TEK: variants seen among roughly 807,000 people sequenced by gnomAD.
TEK encodes angiopoietin-1 receptor.
A neutral mutation model predicts 131.8 loss-of-function variants in TEK; 43 were observed. The observed-to-expected ratio is 0.33, with a 90% CI of 0.26 to 0.42. The LOEUF (loss-of-function observed/expected upper bound fraction) is 0.42. Among genes scored for constraint, TEK ranks in the 10% least tolerant of loss-of-function variants. The pLI is 1.00. For missense variants in TEK, 1,162 were observed against 1,384.4 expected, an observed-to-expected ratio of 0.84 and a Z score of 2.55; for synonymous variants, 580 against 491.6, an observed-to-expected ratio of 1.18 and a Z score of -2.38.
At chr9:27,213,797 G>A (rs758845948) in intron 18 of TEK, among the ~76,000 whole-genome samples, 200 bp downstream of exon 18, 6 of 152,164 alleles carry the variant, frequency 3.9e-5, no homozygotes, top group African/African-American at 7.2e-5. Flanking sequence ...AATTAATAAT[G>A]AAGAAGGCAC....
intron 16 of TEK, among the ~76,000 whole-genome samples, chr9:27,210,021 C>G (rs138935388): frequency 3.8e-4 from 58 of 152,290 alleles, no homozygotes; most frequent in African/African-American, 1.4e-3. Context: ...TTGACAGCCT[C>G]TTGTTGACTT....
At chr9:27,209,015 T>C in intron 15 of TEK, 106 bp from the exon 16 acceptor site, 1 of 754,486 alleles carries the variant, frequency 1.3e-6, no homozygotes, top group South Asian at 1.4e-5. Flanking sequence ...TTGTATACAG[T>C]TGATGGTGAC....
chr9:27,217,264 TCTCC>T (rs1484214683), intron 18 of TEK, among the ~76,000 whole-genome samples: 2 of 152,092 alleles, frequency 1.3e-5, no homozygotes, highest in Non-Finnish European at 2.9e-5. Context: ...CTCTGGAGAA[TCTCC>T]CTCCATCATC....
At position 27,183,420 on chromosome 9, in the gene TEK, T is replaced by C. The variant is rs777699518; in HGVS notation, c.1031-39T>C. On this transcript the variant is annotated intron_variant, in intron 7 of 22. Coordinates refer to ENST00000380036, the MANE Select transcript of TEK (RefSeq NM_000459.5). ...ATTATTACTACTGCTGCTGGCTCTG[T>C]TAAATATTAGATTTCACAGTGCTGT... 9 of 1,609,632 alleles carry C rather than the reference T, an allele frequency of 5.6e-6. No individual in the cohort carries two copies. In the Admixed American group the frequency reaches 1.0e-4, roughly 18 times the overall value.
chr9:27,199,344 T>C (rs950173133), intron 12 of TEK, among the ~76,000 whole-genome samples: 1 of 152,238 alleles, frequency 6.6e-6, no homozygotes, highest in African/African-American at 2.4e-5. Flanking sequence ...CCCATTCTTA[T>C]GCATGTCTCC....
intron 1 of TEK, among the ~76,000 whole-genome samples, chr9:27,147,461 T>G (rs1412235101): frequency 3.3e-5 from 5 of 152,114 alleles, no homozygotes; most frequent in East Asian, 1.9e-4. Context: ...TGAGAGCTTT[T>G]TATGCATTCT....
At chr9:27,176,412 A>G (rs1824174702) in intron 6 of TEK, among the ~76,000 whole-genome samples, 1 of 152,184 alleles carries the variant, frequency 6.6e-6, no homozygotes, top group East Asian at 1.9e-4. Flanking sequence ...AGGCTTCATG[A>G]TATTTTAAGG....
chr9:27,126,069 G>A (rs571280859), intron 1 of TEK, among the ~76,000 whole-genome samples: 1 of 152,278 alleles, frequency 6.6e-6, no homozygotes, highest in African/African-American at 2.4e-5. Flanking sequence ...CCACGAACAC[G>A]AGGTTAGGGT....
chr9:27,175,242 GTT>G (rs1333323185), intron 6 of TEK, among the ~76,000 whole-genome samples: 40 of 149,252 alleles, frequency 2.7e-4, no homozygotes, highest in African/African-American at 9.6e-4. Flanking sequence ...ACGGTGTTTG[GTT>G]TTTTGTCCTT....
chr9:27,188,955 G>A (rs1443830872), intron 9 of TEK, among the ~76,000 whole-genome samples: 1 of 152,130 alleles, frequency 6.6e-6, no homozygotes, highest in East Asian at 1.9e-4. Flanking sequence ...ATTTTAAATA[G>A]GGTAATCAAG....
chr9:27,194,107 C>T (rs1361719895), intron 11 of TEK, among the ~76,000 whole-genome samples: 1 of 152,194 alleles, frequency 6.6e-6, no homozygotes, highest in African/African-American at 2.4e-5. Context: ...ACTCCCAGTC[C>T]AGGCTCCATA....
rs1380793724 is a variant in TEK at position 27,192,488 on chromosome 9, G to T, written c.1490-1G>T. 1 of 1,613,752 alleles carries T rather than the reference G, an allele frequency of 6.2e-7. No individual in the cohort carries two copies. Among genetic ancestry groups the T allele is most frequent in the Non-Finnish European group, 8.5e-7 (1 of 1,179,872 alleles). Reference sequence around the variant, plus strand: ...GTTTCCTGGACGTTTTCTCTTCTCAGTGACAAATGAGATTGTTACACTCAA... The same window carrying T: ...GTTTCCTGGACGTTTTCTCTTCTCATTGACAAATGAGATTGTTACACTCAA... On this transcript the variant is annotated splice_acceptor_variant, in intron 10 of 22. Transcript: ENST00000380036. LOFTEE classifies it high-confidence loss of function.
intron 7 of TEK, 86 bp downstream of exon 7, chr9:27,180,454 A>G (rs1824325007): frequency 1.3e-6 from 2 of 1,532,250 alleles, no homozygotes; most frequent in Non-Finnish European, 1.8e-6. Context: ...CCGGCATTCT[A>G]AGATCCTCAA....
intron 12 of TEK, 62 bp from the exon 13 acceptor site, chr9:27,202,758 G>C (rs1027973573): frequency 8.3e-5 from 128 of 1,542,508 alleles, no homozygotes; most frequent in Non-Finnish European, 1.0e-4. Context: ...TATCTCAAAA[G>C]CATAATGATC....
At chr9:27,225,392 A>C (rs1443245046) in intron 21 of TEK, among the ~76,000 whole-genome samples, 1 of 152,192 alleles carries the variant, frequency 6.6e-6, no homozygotes, top group Non-Finnish European at 1.5e-5. Flanking sequence ...TAAAACAGAT[A>C]TATAGACCAA....
chr9:27,150,937 G>T (rs943927674), intron 1 of TEK, among the ~76,000 whole-genome samples: 22 of 152,200 alleles, frequency 1.4e-4, no homozygotes, highest in African/African-American at 5.3e-4. Context: ...TGGCTGGAAA[G>T]CAGGGATGGG....
intron 15 of TEK, among the ~76,000 whole-genome samples, chr9:27,208,030 T>C (rs370036462): frequency 8.5e-5 from 13 of 152,212 alleles, no homozygotes; most frequent in African/African-American, 3.1e-4. Context: ...TTGGGATCTA[T>C]TGTGAGCCTG....
chr9:27,160,708 C>T (rs2131126024), intron 2 of TEK, among the ~76,000 whole-genome samples: 1 of 152,296 alleles, frequency 6.6e-6, no homozygotes, highest in Non-Finnish European at 1.5e-5. Flanking sequence ...AATAAAATTG[C>T]TGTTCATTCC....
At chr9:27,161,549 G>A (rs1823548101) in intron 2 of TEK, among the ~76,000 whole-genome samples, 1 of 152,220 alleles carries the variant, frequency 6.6e-6, no homozygotes, top group South Asian at 2.1e-4. Context: ...CGAGTGATCT[G>A]ACTTCAGAGC....
Sources: allele counts gnomAD v4.1 joint callset (sites outside exome capture counted in the v4.1 genomes callset), GRCh38; gene constraint gnomAD v4.1.1; transcripts MANE v1.5; gene names NCBI Gene and HGNC (gene_info 2026-07-23, HGNC 2026-07-21).